The following ACAA2 variants were observed in gnomAD, a reference collection of about 807,000 sequenced individuals.
ACAA2 encodes the protein 3-ketoacyl-CoA thiolase, mitochondrial.
A neutral mutation model predicts 44.8 loss-of-function variants in ACAA2; 35 were observed. That is an observed-to-expected ratio of 0.78 (90% CI 0.60 to 1.04). The LOEUF (loss-of-function observed/expected upper bound fraction) is 1.04. Among genes scored for constraint, ACAA2 ranks in the 50% least tolerant of loss-of-function variants. The pLI is 0.00. For synonymous variants in ACAA2, 142 were observed against 166.5 expected, an observed-to-expected ratio of 0.85 and a Z score of 1.13; for missense variants, 468 against 482.6, an observed-to-expected ratio of 0.97 and a Z score of 0.28.
chr18:49,800,454 A>G (rs1275629782), intron 2 of ACAA2, among the ~76,000 whole-genome samples: 1 of 152,194 alleles, frequency 6.6e-6, no homozygotes, highest in Non-Finnish European at 1.5e-5. Context: ...TGGAGTAGAA[A>G]GGGGGGAAAG....
chr18:49,783,665 C>G lies in ACAA2; in HGVS notation c.*182G>C. On this transcript the variant is annotated 3_prime_UTR_variant, in exon 10 of 10. Transcript: ENST00000285093. ...ACTGGTTCAAATCTGAGAGAATGTA[C>G]TTCTAGCATGGGCTCCTATTCATGA... is the stretch of plus-strand genomic sequence containing the variant. The G allele has an allele frequency of 1.8e-6, 1 of 553,352 alleles. No homozygotes were observed. The highest frequency in any genetic ancestry group is 3.3e-6 in the Non-Finnish European group (1 of 300,416). The allele number at this position is 553,352 out of a possible 1,614,324, so 34.3% of individuals were successfully genotyped here. A position where few individuals can be genotyped will look rare whatever the true frequency, so the allele number is the denominator to read the frequency against.
intron 1 of ACAA2, among the ~76,000 whole-genome samples, chr18:49,811,245 G>A (rs181458156): frequency 2.0e-4 from 30 of 152,216 alleles, no homozygotes; most frequent in Admixed American, 1.4e-3. Context: ...GCACCACTAG[G>A]AAAGAAACAG....
rs2023441022 is a variant in ACAA2, at chr18:49,794,389, A to G, written c.468T>C (p.His156=). Residue 156 remains histidine, a synonymous_variant, in exon 5 of 10, where the codon CAT becomes CAC. Transcript: ENST00000285093. ...DSLWVSLTDQ[H]VQLPMAMTAE... is the part of the protein sequence containing the mutation. The stretch of plus-strand genomic sequence containing the variant: ...CAGTCATTGCCATGGGGAGCTGGAC[A>G]TGCTGATCTGTTAATGATACCCATA... 3.1e-6 allele frequency: 5 copies of G among 1,609,190 alleles called. No individual in the cohort carries two copies. The highest frequency in any genetic ancestry group is 1.3e-5 in the African/African-American group (1 of 74,814).
chr18:49,803,759 G>A (rs1473183515), intron 1 of ACAA2, among the ~76,000 whole-genome samples: 1 of 152,082 alleles, frequency 6.6e-6, no homozygotes, highest in Non-Finnish European at 1.5e-5. Context: ...GGTTGTCTGA[G>A]GTCAACCACT....
chr18:49,802,602 T>C (rs2023566924), intron 2 of ACAA2, 85 bp downstream of exon 2: 10 of 1,326,612 alleles, frequency 7.5e-6, no homozygotes, highest in Admixed American at 2.5e-5. Flanking sequence ...TTAACTTGTT[T>C]ACCATTATGA....
At chr18:49,785,096 T>A in intron 9 of ACAA2, 101 bp downstream of exon 9, 1 of 1,390,800 alleles carries the variant, frequency 7.2e-7, no homozygotes, top group Non-Finnish European at 9.8e-7. Context: ...GCAGGAGACA[T>A]GAAGAAGAAT....
intron 3 of ACAA2, among the ~76,000 whole-genome samples, chr18:49,797,184 G>T (rs1415937786): frequency 6.6e-6 from 1 of 151,688 alleles, no homozygotes; most frequent in African/African-American, 2.4e-5. Context: ...ATTTGACTAC[G>T]CTAGGTATCT....
At chr18:49,795,334 T>G (rs905389217) in intron 4 of ACAA2, among the ~76,000 whole-genome samples, 1 of 152,228 alleles carries the variant, frequency 6.6e-6, no homozygotes, top group Non-Finnish European at 1.5e-5. Flanking sequence ...ATGTTTTCTG[T>G]GATGATGAAG....
At chr18:49,809,162 G>T (rs763007221) in intron 1 of ACAA2, among the ~76,000 whole-genome samples, 2 of 152,104 alleles carry the variant, frequency 1.3e-5, no homozygotes, top group African/African-American at 4.8e-5. Context: ...GCCCGACCCC[G>T]CAGGCAGTAA....
At chr18:49,799,948 C>T (rs191212974) in intron 2 of ACAA2, among the ~76,000 whole-genome samples, 16 of 151,322 alleles carry the variant, frequency 1.1e-4, no homozygotes, top group Non-Finnish European at 1.8e-4. Flanking sequence ...CCGGCAACCG[C>T]CCCGTCTAAG....
At chr18:49,789,091 T>TGCCACCCC (rs757559389) in intron 7 of ACAA2, among the ~76,000 whole-genome samples, 3 of 152,170 alleles carry the variant, frequency 2.0e-5, no homozygotes, top group Non-Finnish European at 4.4e-5. Flanking sequence ...CCTCTACCAT[T>TGCCACCCC]GCCACCCCTG....
intron 1 of ACAA2, among the ~76,000 whole-genome samples, chr18:49,808,912 GT>G (rs927587636): frequency 6.6e-5 from 10 of 152,054 alleles, no homozygotes; most frequent in Non-Finnish European, 1.0e-4. Flanking sequence ...ACCAAGAAGC[GT>G]TTTTTCCCCA....
chr18:49,798,811 G>A (rs879505164), intron 2 of ACAA2, among the ~76,000 whole-genome samples: 1 of 151,824 alleles, frequency 6.6e-6, no homozygotes, highest in Non-Finnish European at 1.5e-5. Context: ...AAAAATTCTT[G>A]GCCAATGGAT....
chr18:49,798,888 C>T (rs981607635), intron 2 of ACAA2, among the ~76,000 whole-genome samples: 2 of 151,932 alleles, frequency 1.3e-5, no homozygotes, highest in African/African-American at 2.4e-5. Flanking sequence ...ACGATCATCT[C>T]GTGTAAATTA....
intron 3 of ACAA2, among the ~76,000 whole-genome samples, chr18:49,796,198 A>G (rs1568587444): frequency 6.6e-6 from 1 of 152,192 alleles, no homozygotes; most frequent in African/African-American, 2.4e-5. Context: ...CCTGGCATAA[A>G]TGTACAGCAG....
rs764737644 is a variant in ACAA2 at position 49,792,330 on chromosome 18, G to A, written c.578-3C>T. On this transcript the variant is annotated splice_region_variant and splice_polypyrimidine_tract_variant and intron_variant, in intron 5 of 9. Coordinates refer to ENST00000285093, the MANE Select transcript of ACAA2 (RefSeq NM_006111.3). ...ATTAAAGTAGCCAGCATCATTAGCT[G>A]AAAAATAGTAGAGAGACTATCATAA... 9.9e-6 allele frequency: 16 copies of A among 1,608,800 alleles called. No homozygotes were observed. Among genetic ancestry groups the A allele is most frequent in the African/African-American group, 1.3e-5 (1 of 74,696 alleles).
At chr18:49,791,796 C>G (rs1477063074) in intron 6 of ACAA2, among the ~76,000 whole-genome samples, 197 bp from the exon 7 acceptor site, 1 of 150,598 alleles carries the variant, frequency 6.6e-6, no homozygotes, top group Non-Finnish European at 1.5e-5. Context: ...TACTAAAGAA[C>G]AAGGAAAAGG....
At chr18:49,794,171 AT>A in intron 5 of ACAA2, 108 bp downstream of exon 5, 1 of 831,322 alleles carries the variant, frequency 1.2e-6, no homozygotes, top group East Asian at 3.3e-5. Context: ...AGATGTAATA[AT>A]TCTTAAAGGT....
intron 3 of ACAA2, among the ~76,000 whole-genome samples, chr18:49,797,106 A>G (rs1010098201): frequency 6.6e-6 from 1 of 152,110 alleles, no homozygotes; most frequent in African/African-American, 2.4e-5. Flanking sequence ...CTGAAACTCC[A>G]TATCCATTAA....
Sources: allele counts gnomAD v4.1 joint callset (sites outside exome capture counted in the v4.1 genomes callset), GRCh38; gene constraint gnomAD v4.1.1; transcripts MANE v1.5; gene names NCBI Gene and HGNC (gene_info 2026-07-23, HGNC 2026-07-21).